Variants in KCNH8 observed in about 807,000 individuals in gnomAD.
The protein encoded by KCNH8 is potassium voltage-gated channel subfamily H member 8, also known as voltage-gated delayed rectifier potassium channel KCNH8.
KCNH8 carries 70 observed loss-of-function variants against 103.6 expected under a neutral mutation model. The observed-to-expected ratio is 0.68, with a 90% CI of 0.56 to 0.82. The LOEUF is 0.82. Ranked by LOEUF, KCNH8 falls within the 40% of genes least tolerant of loss-of-function variation. KCNH8 has a pLI of 0.00. For missense variants in KCNH8, 1,217 were observed against 1,329.9 expected (o/e 0.92, Z 1.32); for synonymous variants, 498 against 489.4 (o/e 1.02, Z -0.23).
At chr3:19,423,144 A>G (rs1021235555) in intron 7 of KCNH8, among the ~76,000 whole-genome samples, 1 of 152,088 alleles carries the variant, frequency 6.6e-6, no homozygotes, top group Non-Finnish European at 1.5e-5. Flanking sequence ...AGCTTCTCTC[A>G]TGATTGTACA....
chr3:19,399,243 T>A (rs945203634), intron 7 of KCNH8, among the ~76,000 whole-genome samples: 3 of 151,916 alleles, frequency 2.0e-5, no homozygotes, highest in African/African-American at 7.2e-5. Context: ...TGCAAAGAAA[T>A]GTTTCAGAAG....
At chr3:19,459,441 A>G (rs1191077847) in intron 11 of KCNH8, among the ~76,000 whole-genome samples, 1 of 151,696 alleles carries the variant, frequency 6.6e-6, no homozygotes, top group Non-Finnish European at 1.5e-5. Flanking sequence ...ATTTCTTGTT[A>G]TTGAGTTGTT....
chr3:19,247,535 G>T (rs539873007), intron 1 of KCNH8, among the ~76,000 whole-genome samples: 5 of 152,268 alleles, frequency 3.3e-5, no homozygotes, highest in Admixed American at 2.6e-4. Context: ...AATGTCAAAA[G>T]TTCCTGTTTG....
chr3:19,414,957 T>G (rs2066840375), intron 7 of KCNH8, among the ~76,000 whole-genome samples: 1 of 152,022 alleles, frequency 6.6e-6, no homozygotes, highest in Non-Finnish European at 1.5e-5. Context: ...TTAATTTCTA[T>G]TTTTAAATTT....
chr3:19,208,994 A>G (rs1279115456), intron 1 of KCNH8, among the ~76,000 whole-genome samples: 4 of 151,984 alleles, frequency 2.6e-5, no homozygotes, highest in African/African-American at 7.2e-5. Context: ...ATGTATATCT[A>G]TATCTATCTA....
chr3:19,369,506 C>G (rs564003267), intron 5 of KCNH8, among the ~76,000 whole-genome samples: 2 of 152,118 alleles, frequency 1.3e-5, no homozygotes, highest in Non-Finnish European at 2.9e-5. Flanking sequence ...GAGATTGTTT[C>G]GCCACCTAGC....
intron 5 of KCNH8, among the ~76,000 whole-genome samples, chr3:19,356,716 C>T (rs936971741): frequency 9.9e-5 from 15 of 151,918 alleles, no homozygotes; most frequent in Non-Finnish European, 2.1e-4. Flanking sequence ...TAGTGATTTG[C>T]CCAAGGCCCT....
intron 1 of KCNH8, among the ~76,000 whole-genome samples, chr3:19,196,232 C>A (rs556817278): frequency 1.3e-5 from 2 of 151,956 alleles, no homozygotes; most frequent in South Asian, 2.1e-4. Context: ...TATGCCTAAA[C>A]CTCATAAAAG....
intron 1 of KCNH8, among the ~76,000 whole-genome samples, chr3:19,210,301 A>G (rs2063757604): frequency 6.6e-6 from 1 of 152,038 alleles, no homozygotes; most frequent in Admixed American, 6.6e-5. Context: ...TTTCTTTTTC[A>G]ATTATGTGAT....
At chr3:19,505,942 G>A (rs552525403) in intron 11 of KCNH8, among the ~76,000 whole-genome samples, 86 of 151,944 alleles carry the variant, frequency 5.7e-4, no homozygotes, top group African/African-American at 1.9e-3. Flanking sequence ...TCTTTCCTCA[G>A]CTTGGTTTAT....
chr3:19,321,189 T>G (rs2065345630), intron 3 of KCNH8, among the ~76,000 whole-genome samples: 1 of 152,060 alleles, frequency 6.6e-6, no homozygotes, highest in African/African-American at 2.4e-5. Context: ...TATTTAGTTC[T>G]GCCCTGATCT....
chr3:19,254,002 G>A (rs1257358906), intron 2 of KCNH8, 115 bp downstream of exon 2: 4 of 690,554 alleles, frequency 5.8e-6, no homozygotes, highest in Non-Finnish European at 1.0e-5. Context: ...ATACATGCAG[G>A]CTGTTACAGA....
At chr3:19,467,249 T>A (rs2067757718) in intron 11 of KCNH8, among the ~76,000 whole-genome samples, 1 of 150,912 alleles carries the variant, frequency 6.6e-6, no homozygotes, top group South Asian at 2.1e-4. Context: ...TAAAATATCC[T>A]GAGGGAAATA....
chr3:19,290,517 G>C (rs576385415), intron 3 of KCNH8, among the ~76,000 whole-genome samples: 1 of 152,126 alleles, frequency 6.6e-6, no homozygotes, highest in Non-Finnish European at 1.5e-5. Context: ...TGTGGTTTTT[G>C]TCTTTGGTTC....
At chr3:19,209,216 C>T (rs2063745740) in intron 1 of KCNH8, among the ~76,000 whole-genome samples, 1 of 152,002 alleles carries the variant, frequency 6.6e-6, no homozygotes, top group Admixed American at 6.6e-5. Context: ...TTGGCAATAG[C>T]TTTTAAAGCA....
intron 8 of KCNH8, chr3:19,449,134 A>T (rs1015165623): frequency 3.3e-6 from 1 of 301,432 alleles, no homozygotes; most frequent in African/African-American, 2.2e-5. Context: ...AGAAATACCC[A>T]CCCTAAATCT....
intron 1 of KCNH8, among the ~76,000 whole-genome samples, chr3:19,183,337 A>G (rs2125204116): frequency 6.6e-6 from 1 of 152,338 alleles, no homozygotes; most frequent in South Asian, 2.1e-4. Flanking sequence ...TTAAAGAATA[A>G]CAAGGTGTGG....
In KCNH8 at chr3:19,281,374, T is replaced by A. The variant is rs139438662; in HGVS notation, c.442+45T>A. 825 of 1,531,030 alleles carry A rather than the reference T, an allele frequency of 5.4e-4. 10 individuals carry two copies. In the African/African-American group the frequency reaches 0.01, roughly 19 times the overall value. The allele number at this position is 1,531,030 out of a possible 1,614,324, so 94.8% of individuals were successfully genotyped here. A position where few individuals can be genotyped will look rare whatever the true frequency, so the allele number is the denominator to read the frequency against. On this transcript the variant is annotated intron_variant, in intron 3 of 15. Coordinates refer to ENST00000328405, the MANE Select transcript of KCNH8 (RefSeq NM_144633.3). ...AACATTGACAGATGGAGTAACATTT[T>A]GAAATTGTTTACTTAAAAACTCTTG... is the stretch of plus-strand genomic sequence containing the variant.
intron 5 of KCNH8, among the ~76,000 whole-genome samples, chr3:19,374,204 T>G (rs2066152531): frequency 6.6e-6 from 1 of 150,974 alleles, no homozygotes; most frequent in South Asian, 2.1e-4. Context: ...ATGTTGACAG[T>G]GGGGTGTTAA....
Sources: gnomAD v4.1 joint callset for allele counts (sites outside exome capture counted in the v4.1 genomes callset) on GRCh38, gnomAD v4.1.1 for gene constraint, MANE v1.5 for transcripts, NCBI Gene and HGNC (gene_info 2026-07-23, HGNC 2026-07-21) for gene names.